Variants in GMDS observed in about 807,000 individuals in gnomAD.
The protein encoded by GMDS is GDP-mannose 4,6 dehydratase.
A neutral mutation model predicts 49.9 loss-of-function variants in GMDS; 20 were observed. The ratio of observed to expected loss-of-function variants is 0.40; its 90% confidence interval spans 0.28 to 0.58. The LOEUF is 0.58. Among genes scored for constraint, GMDS ranks in the 20% least tolerant of loss-of-function variants. The pLI is 0.42. For synonymous variants in GMDS, 177 were observed against 178.6 expected, an observed-to-expected ratio of 0.99 and a Z score of 0.07; for missense variants, 362 against 481.4, an observed-to-expected ratio of 0.75 and a Z score of 2.32.
At chr6:1,919,600 G>A (rs1004915521) in intron 7 of GMDS, among the ~76,000 whole-genome samples, 1 of 152,036 alleles carries the variant, frequency 6.6e-6, no homozygotes, top group Non-Finnish European at 1.5e-5. Context: ...TATCTGTTTG[G>A]GGCATATGCA....
At chr6:1,981,553 C>G (rs1318126548) in intron 4 of GMDS, among the ~76,000 whole-genome samples, 1 of 152,026 alleles carries the variant, frequency 6.6e-6, no homozygotes, top group African/African-American at 2.4e-5. Flanking sequence ...AAAGAAAGCC[C>G]AGGACCAGAT....
At chr6:2,200,743 G>A (rs1192564274) in intron 1 of GMDS, among the ~76,000 whole-genome samples, 10 of 146,224 alleles carry the variant, frequency 6.8e-5, no homozygotes, top group East Asian at 2.1e-4. Context: ...GGACATCCGA[G>A]ATGTAACCAT....
intron 7 of GMDS, among the ~76,000 whole-genome samples, chr6:1,909,331 C>T (rs759220203): frequency 1.3e-5 from 2 of 152,214 alleles, no homozygotes; most frequent in Non-Finnish European, 2.9e-5. Context: ...GTTCTGCCTA[C>T]TTGTGAATTA....
At chr6:1,928,299 A>G (rs1050779238) in intron 7 of GMDS, among the ~76,000 whole-genome samples, 1 of 151,418 alleles carries the variant, frequency 6.6e-6, no homozygotes, top group Non-Finnish European at 1.5e-5. Flanking sequence ...CGGGAGGCAG[A>G]GGTTGCAGTG....
intron 1 of GMDS, among the ~76,000 whole-genome samples, chr6:2,222,494 T>C (rs896461985): frequency 6.6e-6 from 1 of 152,196 alleles, no homozygotes; most frequent in Admixed American, 6.5e-5. Context: ...TAAGCACTGG[T>C]GAATGTAAAC....
chr6:1,900,968 A>G (rs1760474032), intron 7 of GMDS, among the ~76,000 whole-genome samples: 1 of 152,254 alleles, frequency 6.6e-6, no homozygotes, highest in South Asian at 2.1e-4. Context: ...GAAAGTAGTT[A>G]TGCTGCAACT....
At chr6:1,869,099 G>A (rs534631112) in intron 7 of GMDS, among the ~76,000 whole-genome samples, 1 of 152,326 alleles carries the variant, frequency 6.6e-6, no homozygotes, top group South Asian at 2.1e-4. Context: ...TCTCTGAGAA[G>A]ATGAGGCAAC....
At chr6:2,112,774 C>T (rs997247352) in intron 4 of GMDS, among the ~76,000 whole-genome samples, 3 of 152,154 alleles carry the variant, frequency 2.0e-5, no homozygotes, top group African/African-American at 7.2e-5. Context: ...GGTGACTTTT[C>T]CTGGTCCTCA....
intron 4 of GMDS, among the ~76,000 whole-genome samples, chr6:1,999,984 T>A (rs1311315409): frequency 3.6e-4 from 4 of 11,092 alleles, no homozygotes; most frequent in Non-Finnish European, 5.2e-4. Context: ...ATATATATTT[T>A]ATATATATAT....
chr6:2,172,215 T>A (rs1778047795), intron 1 of GMDS, among the ~76,000 whole-genome samples: 1 of 152,006 alleles, frequency 6.6e-6, no homozygotes, highest in Non-Finnish European at 1.5e-5. Flanking sequence ...GGAGAAAAAA[T>A]GAGATACTAC....
chr6:2,213,181 A>G (rs951820450), intron 1 of GMDS, among the ~76,000 whole-genome samples: 4 of 152,220 alleles, frequency 2.6e-5, no homozygotes, highest in South Asian at 2.1e-4. Context: ...CAGGTGGCAA[A>G]TATCACTGAG....
At chr6:1,807,551 TATACC>T in intron 7 of GMDS, among the ~76,000 whole-genome samples, 1 of 152,322 alleles carries the variant, frequency 6.6e-6, no homozygotes, top group Middle Eastern at 3.4e-3. Context: ...TGACAATACC[TATACC>T]ATAAACTCAT....
chr6:1,960,473 A>G (rs1763878778), intron 5 of GMDS, among the ~76,000 whole-genome samples: 1 of 152,202 alleles, frequency 6.6e-6, no homozygotes, highest in Admixed American at 6.5e-5. Context: ...GTTTAGAAAA[A>G]GAATCACATT....
chr6:1,991,453 T>G (rs1314819939), intron 4 of GMDS, among the ~76,000 whole-genome samples: 1 of 152,118 alleles, frequency 6.6e-6, no homozygotes, highest in Non-Finnish European at 1.5e-5. Flanking sequence ...CTTCCCTTCT[T>G]TACCACCAGT....
intron 1 of GMDS, among the ~76,000 whole-genome samples, chr6:2,187,776 T>C (rs1426786490): frequency 6.6e-6 from 1 of 152,082 alleles, no homozygotes; most frequent in Non-Finnish European, 1.5e-5. Flanking sequence ...TAGGAGAAAA[T>C]GAAGAAAGGT....
rs1759018119 is a variant in GMDS at position 1,875,837 on chromosome 6, C to T, written c.771+54266G>A. On this transcript the variant is annotated intron_variant, in intron 7 of 10. Coordinates refer to ENST00000380815, the MANE Select transcript of GMDS (RefSeq NM_001500.4). ...GGTCACGAGTTTGAGACCAGCCTGA[C>T]GAACATGGAGAAACCCCGTTTCTAC... 1.3e-5 allele frequency among the ~76,000 whole-genome samples: 2 copies of T among 151,546 alleles called. 1 individual carries two copies. The highest frequency in any genetic ancestry group is 2.9e-5 in the Non-Finnish European group (2 of 67,946).
intron 9 of GMDS, among the ~76,000 whole-genome samples, chr6:1,680,259 G>A (rs1248495667): frequency 2.6e-5 from 4 of 152,202 alleles, no homozygotes; most frequent in Admixed American, 1.3e-4. Context: ...AATTCTTGAT[G>A]TGCGCCCTTC....
At chr6:1,664,257 C>T (rs574075833) in intron 9 of GMDS, among the ~76,000 whole-genome samples, 1 of 152,328 alleles carries the variant, frequency 6.6e-6, no homozygotes, top group Admixed American at 6.5e-5. Flanking sequence ...TGTCAGCCTT[C>T]AGTCAAAACT....
intron 1 of GMDS, among the ~76,000 whole-genome samples, chr6:2,229,223 G>A (rs922208145): frequency 5.3e-5 from 8 of 152,048 alleles, no homozygotes; most frequent in African/African-American, 1.9e-4. Context: ...AGATCATTAC[G>A]CAAGGCACTT....
Sources: allele counts gnomAD v4.1 joint callset (sites outside exome capture counted in the v4.1 genomes callset), GRCh38; gene constraint gnomAD v4.1.1; transcripts MANE v1.5; gene names NCBI Gene and HGNC (gene_info 2026-07-23, HGNC 2026-07-21).